The following ZNF331 variants were observed in gnomAD, a reference collection of about 807,000 sequenced individuals.
ZNF331 encodes the protein C2H2-like zinc finger protein rearranged in thyroid adenomas.
ZNF331 carries 2 observed loss-of-function variants against 7.0 expected under a neutral mutation model. That is an observed-to-expected ratio of 0.29 (90% CI 0.12 to 0.90). ZNF331 has a LOEUF of 0.90. Ranked by LOEUF, ZNF331 falls within the 40% of genes least tolerant of loss-of-function variation. ZNF331 has a pLI of 0.58. For missense variants in ZNF331, 432 were observed against 587.7 expected, an observed-to-expected ratio of 0.74 and a Z score of 2.74; for synonymous variants, 196 against 205.4, an observed-to-expected ratio of 0.95 and a Z score of 0.39.
intron 2 of ZNF331, among the ~76,000 whole-genome samples, chr19:53,524,984 G>T (rs2087237435): frequency 6.6e-6 from 1 of 152,142 alleles, no homozygotes; most frequent in African/African-American, 2.4e-5. Flanking sequence ...TCTACATATG[G>T]CTAGCCAGTT....
At position 53,547,873 on chromosome 19, in the gene ZNF331, T is replaced by C. The variant is rs138867412; in HGVS notation, c.-137-7972T>C. Among the ~76,000 whole-genome samples the C allele has an allele frequency of 3.5e-3, 534 of 152,298 alleles. 4 individuals are homozygous for C. Among genetic ancestry groups the C allele is most frequent in the African/African-American group, 0.012 (517 of 41,580 alleles). On this transcript the variant is annotated intron_variant, in intron 2 of 5. Transcript: ENST00000449416. ...TTTTCTGCCCATTTATTATCAGGGTTGTTTGGTTTTTTGCTGTTAAGTTGT... is the reference window on the plus strand; with the variant it reads ...TTTTCTGCCCATTTATTATCAGGGTCGTTTGGTTTTTTGCTGTTAAGTTGT...
chr19:53,556,775 C>A (rs1404186898), intron 3 of ZNF331, among the ~76,000 whole-genome samples: 1 of 152,024 alleles, frequency 6.6e-6, no homozygotes, highest in East Asian at 1.9e-4. Flanking sequence ...GTAGCTGGGG[C>A]TACTGGTGTG....
intron 2 of ZNF331, among the ~76,000 whole-genome samples, chr19:53,528,253 T>C (rs1293405633): frequency 6.6e-6 from 1 of 152,198 alleles, no homozygotes; most frequent in Admixed American, 6.5e-5. Context: ...TTCAAATAAA[T>C]TCATGCTTAA....
At chr19:53,520,252 G>T (rs530472461), upstream of ZNF331, among the ~76,000 whole-genome samples, 2 of 152,066 alleles carry the variant, frequency 1.3e-5, no homozygotes, top group South Asian at 4.2e-4. Context: ...TCACCATGTT[G>T]GGCAGGAGGG....
chr19:53,567,325 G>A (rs761906445), intron 3 of ZNF331, among the ~76,000 whole-genome samples: 1 of 152,084 alleles, frequency 6.6e-6, no homozygotes, highest in Non-Finnish European at 1.5e-5. Context: ...GCCCAAGTTT[G>A]GATAATACAG....
the ZNF331 span, chr19:53,512,473 GC>G: frequency 6.6e-6 from 1 of 152,192 alleles, no homozygotes; most frequent in Non-Finnish European, 1.5e-5. Context: ...CTCCTGGGTA[GC>G]AGGATCTGGG....
the ZNF331 span, among the ~76,000 whole-genome samples, chr19:53,508,731 C>T: frequency 0.46 from 69,524 of 152,008 alleles, 16,080 homozygotes; most frequent in South Asian, 0.6. Flanking sequence ...ACTTTGCCCA[C>T]GATGAGTGGC....
Position 53,569,366 on chromosome 19 carries a change from G to T in ZNF331, c.-11G>T. On this transcript the variant is annotated 5_prime_UTR_variant, in exon 4 of 6. Transcript: ENST00000449416. ...CCCGAGAAGACTGATCAGTTCTTCA[G>T]TTCTAAAACAATGGCCCAGGTAAGT... is the stretch of plus-strand genomic sequence containing the variant. 1.2e-6 allele frequency: 2 copies of T among 1,613,906 alleles called. No homozygotes were observed. Among genetic ancestry groups the T allele is most frequent in the Non-Finnish European group, 8.5e-7 (1 of 1,179,924 alleles).
chr19:53,507,865 T>G, the ZNF331 span, among the ~76,000 whole-genome samples: 1 of 152,250 alleles, frequency 6.6e-6, no homozygotes, highest in African/African-American at 2.4e-5. Context: ...CTGGACGTAG[T>G]GGCAGGCACC....
At chr19:53,543,295 C>T (rs538373731) in intron 2 of ZNF331, among the ~76,000 whole-genome samples, 79 of 152,240 alleles carry the variant, frequency 5.2e-4, no homozygotes, top group Non-Finnish European at 9.1e-4. Context: ...GACGGAGTCT[C>T]GCCCTGTCTC....
chr19:53,507,136 G>A, the ZNF331 span, among the ~76,000 whole-genome samples: 1 of 152,094 alleles, frequency 6.6e-6, no homozygotes, highest in Admixed American at 6.6e-5. Context: ...TTCAGTGGTC[G>A]ACAAAAGTTG....
Position 53,577,014 on chromosome 19 carries a change from A to G in ZNF331, c.454A>G (p.Ile152Val). Reference sequence around the variant, plus strand: ...CTATCAACTTAGTCAACATCAGAAAATCCATACTGGTGAGAAACCTTATGA... The same window carrying G: ...CTATCAACTTAGTCAACATCAGAAAGTCCATACTGGTGAGAAACCTTATGA... ...RGYQLSQHQK[I>V]HTGEKPYECK... is the part of the protein sequence containing the mutation. Residue 152 changes from isoleucine to valine, a missense_variant, in exon 6 of 6, where the codon ATC becomes GTC. Around this residue, in one of 3 missense-constraint regions of ZNF331, gnomAD observed 312 missense variants for 448.6 expected, o/e 0.70. Coordinates refer to ENST00000449416, the MANE Select transcript of ZNF331 (RefSeq NM_001079906.2). 6.2e-7 allele frequency: 1 copy of G among 1,613,580 alleles called. No homozygotes were observed. Among genetic ancestry groups the G allele is most frequent in the Non-Finnish European group, 8.5e-7 (1 of 1,179,718 alleles).
At chr19:53,550,857 T>C (rs1191282956) in intron 2 of ZNF331, among the ~76,000 whole-genome samples, 1 of 148,618 alleles carries the variant, frequency 6.7e-6, no homozygotes, top group East Asian at 2.0e-4. Flanking sequence ...TTTTTTTTTT[T>C]TCTTTTTTTT....
chr19:53,516,765 A>G (rs1166449430), upstream of ZNF331, among the ~76,000 whole-genome samples: 2 of 152,232 alleles, frequency 1.3e-5, no homozygotes, highest in African/African-American at 2.4e-5. Context: ...GAGACAAAGT[A>G]GCTGCTGCTT....
Position 53,569,341 on chromosome 19 carries a change from C to A in ZNF331, c.-36C>A, listed in dbSNP as rs778600871. On this transcript the variant is annotated 5_prime_UTR_variant, in exon 4 of 6. Transcript: ENST00000449416. Reference sequence around the variant, plus strand: ...GGAATTTGTCTTCTTCAGTGGAAACCCCGAGAAGACTGATCAGTTCTTCAG... The same window carrying A: ...GGAATTTGTCTTCTTCAGTGGAAACACCGAGAAGACTGATCAGTTCTTCAG... The A allele has an allele frequency of 6.2e-7, 1 of 1,612,840 alleles. No individual in the cohort carries two copies. Among genetic ancestry groups the A allele is most frequent in the South Asian group, 1.1e-5 (1 of 90,892 alleles).
intron 2 of ZNF331, among the ~76,000 whole-genome samples, chr19:53,522,836 A>G (rs1218472359): frequency 3.3e-5 from 5 of 152,202 alleles, no homozygotes; most frequent in South Asian, 2.1e-4. Context: ...TCCTCCGTGT[A>G]TACTCCATTG....
chr19:53,538,896 T>G (rs1215635714), intron 1 of ZNF331: 1 of 152,326 alleles, frequency 6.6e-6, no homozygotes, highest in Non-Finnish European at 1.5e-5. Context: ...CGGAGGGACG[T>G]GAGCGCCTGA....
At chr19:53,535,727 A>C (rs62143903), upstream of ZNF331, among the ~76,000 whole-genome samples, 7,472 of 152,288 alleles carry the variant, frequency 0.049, 219 homozygotes, top group East Asian at 0.14. Context: ...TTATATGTGC[A>C]AGTAACGAAT....
chr19:53,513,149 T>G, the ZNF331 span, among the ~76,000 whole-genome samples: 2 of 151,266 alleles, frequency 1.3e-5, no homozygotes, highest in African/African-American at 4.9e-5. Flanking sequence ...GGTGTCAGGA[T>G]CTCTAAAACC....
Sources: allele counts gnomAD v4.1 joint callset (sites outside exome capture counted in the v4.1 genomes callset), GRCh38; gene constraint gnomAD v4.1.1; regional missense constraint gnomAD v4.1.1; transcripts MANE v1.5; gene names NCBI Gene and HGNC (gene_info 2026-07-23, HGNC 2026-07-21).